Variants in TLE5 observed in about 807,000 individuals in gnomAD.
TLE5 encodes the protein TLE family member 5.
In TLE5, 7 loss-of-function variants were observed where a neutral mutation model predicts 25.8. The observed-to-expected ratio is 0.27, with a 90% confidence interval of 0.15 to 0.51. The LOEUF (loss-of-function observed/expected upper bound fraction) is 0.51. Among genes scored for constraint, TLE5 ranks in the 20% least tolerant of loss-of-function variants. The pLI is 0.97. For missense variants in TLE5, 149 were observed against 250.7 expected, an observed-to-expected ratio of 0.59 and a Z score of 2.74; for synonymous variants, 132 against 110.5, an observed-to-expected ratio of 1.20 and a Z score of -1.22.
In TLE5 at chr19:3,061,260, G is replaced by T. The variant is rs113110826; in HGVS notation, c.28-3C>A. 6.2e-7 allele frequency: 1 copy of T among 1,611,568 alleles called. No individual in the cohort carries two copies. Among genetic ancestry groups the T allele is most frequent in the Non-Finnish European group, 8.5e-7 (1 of 1,178,146 alleles). ...TGCTGGGGTAGGTGCGAGGAGCCCT[G>T]TAGGGATGGGGCGGCCCGGGTCAGG... On this transcript the variant is annotated splice_polypyrimidine_tract_variant and splice_region_variant and intron_variant, in intron 1 of 6. Transcript: ENST00000327141.
chr19:3,059,756 G>A (rs12185529), intron 2 of TLE5, among the ~76,000 whole-genome samples: 10,149 of 152,134 alleles, frequency 0.067, 365 homozygotes, highest in African/African-American at 0.084. Flanking sequence ...CACTGTGACC[G>A]CCATCTGATC....
At chr19:3,058,290 C>T (rs988256660) in intron 2 of TLE5, among the ~76,000 whole-genome samples, 1 of 152,106 alleles carries the variant, frequency 6.6e-6, no homozygotes, top group African/African-American at 2.4e-5. Flanking sequence ...CTCACGGTCC[C>T]GACGAGGCCC....
At position 3,053,818 on chromosome 19, in the gene TLE5, G is replaced by A. The variant is rs1400135531; in HGVS notation, c.*1C>T. ...CCCAACCTCCCTGTCCCGGCCCCCT[G>A]CTAATCCGACTTCTCGCCATCATCC... is the stretch of plus-strand genomic sequence containing the variant. On this transcript the variant is annotated 3_prime_UTR_variant, in exon 7 of 7. Transcript: ENST00000327141. 1 of 1,612,764 alleles carries A rather than the reference G, an allele frequency of 6.2e-7. No homozygotes were observed. The highest frequency in any genetic ancestry group is 1.3e-5 in the African/African-American group (1 of 75,022).
chr19:3,056,047 TG>T, intron 4 of TLE5: 1 of 483,140 alleles, frequency 2.1e-6, no homozygotes, highest in South Asian at 2.9e-5. Context: ...TAGGGAGGGC[TG>T]GGGGCCGTAG....
chr19:3,062,307 C>G lies in TLE5; in HGVS notation c.-107G>C. The G allele has an allele frequency of 1.0e-6, 1 of 980,644 alleles. No homozygotes were observed. Among genetic ancestry groups the G allele is most frequent in the Non-Finnish European group, 1.2e-6 (1 of 828,276 alleles). 60.7% of individuals were successfully genotyped at this position (980,644 alleles called of 1,614,324 possible). A position where few individuals can be genotyped will look rare whatever the true frequency, so the allele number is the denominator to read the frequency against. Reference sequence around the variant, plus strand: ...TTTGTCCCGGCGCCGATCGGCAGCTCCCGGGGCCGCCGCCGCCTCCCGCGC... The same window carrying G: ...TTTGTCCCGGCGCCGATCGGCAGCTGCCGGGGCCGCCGCCGCCTCCCGCGC... On this transcript the variant is annotated 5_prime_UTR_variant, in exon 1 of 7. Coordinates refer to ENST00000327141, the MANE Select transcript of TLE5 (RefSeq NM_001130.6).
chr19:3,062,236 C>T lies in TLE5; in HGVS notation c.-36G>A. On this transcript the variant is annotated 5_prime_UTR_variant, in exon 1 of 7. Coordinates refer to ENST00000327141, the MANE Select transcript of TLE5 (RefSeq NM_001130.6). ...GCGGGGGGCGCGGGCTGCGCCCCGGCTGTGCGCCCCGGCTCGGGCTGCTGG... is the reference window on the plus strand; with the variant it reads ...GCGGGGGGCGCGGGCTGCGCCCCGGTTGTGCGCCCCGGCTCGGGCTGCTGG... The T allele has an allele frequency of 9.1e-6, 10 of 1,099,708 alleles. No homozygotes were observed. Among genetic ancestry groups the T allele is most frequent in the Non-Finnish European group, 1.1e-5 (10 of 902,174 alleles). The allele number at this position is 1,099,708 out of a possible 1,614,324, so 68.1% of individuals were successfully genotyped here. A position where few individuals can be genotyped will look rare whatever the true frequency, so the allele number is the denominator to read the frequency against.
chr19:3,057,393 G>A, intron 3 of TLE5: 2 of 449,566 alleles, frequency 4.4e-6, no homozygotes, highest in Middle Eastern at 6.5e-4. Flanking sequence ...CACAGCCGGT[G>A]AGCCTCCCTC....
intron 3 of TLE5, 93 bp downstream of exon 3, chr19:3,057,586 C>G: frequency 7.9e-7 from 1 of 1,272,050 alleles, no homozygotes; most frequent in Non-Finnish European, 1.1e-6. Context: ...GGGAGGTGGC[C>G]GGGGTTGAGG....
At chr19:3,056,872 G>A (rs749872777) in intron 3 of TLE5, 1 of 204,436 alleles carries the variant, frequency 4.9e-6, no homozygotes, top group Non-Finnish European at 1.0e-5. Flanking sequence ...TGTCACCCCT[G>A]GGGGAAAACC....
In TLE5 at chr19:3,056,589, A is replaced by T. The variant is rs767196410; in HGVS notation, c.190-233T>A. The stretch of plus-strand genomic sequence containing the variant: ...GGGCAGGGGGCCGCTGGGGCTGCGG[A>T]TGGAGACTGGGGGCACTTTAGGTCC... On this transcript the variant is annotated intron_variant, in intron 3 of 6. Coordinates refer to ENST00000327141, the MANE Select transcript of TLE5 (RefSeq NM_001130.6). 5 of 664,536 alleles carry T rather than the reference A, an allele frequency of 7.5e-6. No individual in the cohort carries two copies. In the South Asian group the frequency reaches 7.7e-5, roughly 10 times the overall value. The allele number at this position is 664,536 out of a possible 1,614,324, so 41.2% of individuals were successfully genotyped here. A position where few individuals can be genotyped will look rare whatever the true frequency, so the allele number is the denominator to read the frequency against.
intron 3 of TLE5, chr19:3,057,478 C>T (rs866670560): frequency 4.1e-5 from 24 of 583,850 alleles, no homozygotes; most frequent in African/African-American, 3.8e-4. Flanking sequence ...TTTGGCACCT[C>T]GGCCACTGCC....
chr19:3,054,086 T>TCGGGGGGGGGGGC, intron 6 of TLE5, 34 bp downstream of exon 6: 54 of 1,512,340 alleles, frequency 3.6e-5, no homozygotes, highest in Non-Finnish European at 4.4e-5. Flanking sequence ...GGCCCACCTG[T>TCGGGGGGGGGGGC]CCCCCGCCCA....
chr19:3,062,703 G>A, upstream of TLE5: 1 of 1,508,746 alleles, frequency 6.6e-7, no homozygotes, highest in Non-Finnish European at 8.8e-7. Context: ...CTCCTACCCG[G>A]CAGCCGGCCG....
intron 3 of TLE5, chr19:3,056,845 A>G: frequency 4.7e-6 from 1 of 212,820 alleles, no homozygotes; most frequent in East Asian, 1.8e-4. Context: ...CCTGCTCTAA[A>G]CCCTCCCATG....
Position 3,060,328 on chromosome 19 carries a change from C to CTTTTTTTTTTT in TLE5, c.125+821_125+831dup, listed in dbSNP as rs990199468. Among the ~76,000 whole-genome samples, 73 of 93,182 alleles carry CTTTTTTTTTTT rather than the reference C, an allele frequency of 7.8e-4. 1 individual carries two copies. Among genetic ancestry groups the CTTTTTTTTTTT allele is most frequent in the African/African-American group, 1.5e-3 (35 of 22,996 alleles). The allele number at this position is 93,182 out of a possible 152,430, so 61.1% of individuals were successfully genotyped here. A position where few individuals can be genotyped will look rare whatever the true frequency, so the allele number is the denominator to read the frequency against. On this transcript the variant is annotated intron_variant, in intron 2 of 6. Coordinates refer to ENST00000327141, the MANE Select transcript of TLE5 (RefSeq NM_001130.6). ...TGGGCTTAAGTTTCTTTTTTTCTTTCTTTTTTTTTTTTTTTTTTTTTTTTG... is the reference window on the plus strand; with the variant it reads ...TGGGCTTAAGTTTCTTTTTTTCTTTCTTTTTTTTTTTTTTTTTTTTTTTTTTTTTTTTTTTG...
intron 2 of TLE5, 158 bp downstream of exon 2, chr19:3,061,002 T>C (rs1373042808): frequency 1.8e-6 from 1 of 559,074 alleles, no homozygotes; most frequent in East Asian, 2.9e-5. Context: ...AAAATGGGGC[T>C]GTTTAAAATA....
chr19:3,059,332 G>C (rs1599272872), intron 2 of TLE5, among the ~76,000 whole-genome samples: 1 of 152,134 alleles, frequency 6.6e-6, no homozygotes, highest in South Asian at 2.1e-4. Context: ...GACCAGCCTG[G>C]CCAACATAAC....
At chr19:3,058,168 T>C (rs900082573) in intron 2 of TLE5, among the ~76,000 whole-genome samples, 6 of 152,052 alleles carry the variant, frequency 3.9e-5, no homozygotes, top group African/African-American at 1.4e-4. Context: ...GAAACCACCC[T>C]TGCAGATCTG....
rs148591348 is a variant in TLE5 at position 3,053,960 on chromosome 19, C to T, written c.453G>A (p.Pro151=). ...CTGCGCTGACCGCCGGCAGCGAAGG[C>T]GGCTGCAGCCCCACGGGTAGTGGGG... ...PLTPLPVGLQ[P]PSLPAVSAGT... is the part of the protein sequence containing the mutation. The change falls in exon 7 of 7, where the codon CCG becomes CCA. Residue 151 remains proline (P), a synonymous_variant. Transcript: ENST00000327141. The T allele has an allele frequency of 2.3e-5, 37 of 1,611,154 alleles. No individual in the cohort carries two copies. The highest frequency in any genetic ancestry group is 1.3e-4 in the African/African-American group (10 of 74,890).
Sources: gnomAD v4.1 joint callset for allele counts (sites outside exome capture counted in the v4.1 genomes callset) on GRCh38, gnomAD v4.1.1 for gene constraint, MANE v1.5 for transcripts, NCBI Gene and HGNC (gene_info 2026-07-23, HGNC 2026-07-21) for gene names.